The following MTARC2 variants were observed in gnomAD, a reference collection of about 807,000 sequenced individuals.
MTARC2 encodes mitochondrial amidoxime reducing component 2.
In MTARC2, 27 loss-of-function variants were observed where a neutral mutation model predicts 35.6. The ratio of observed to expected loss-of-function variants is 0.76; its 90% CI spans 0.56 to 1.04. MTARC2 has a LOEUF of 1.04. MTARC2 is among the 50% of genes least tolerant of loss of function. MTARC2 has a pLI of 0.00. For synonymous variants in MTARC2, 158 were observed against 167.1 expected, an observed-to-expected ratio of 0.95 and a Z score of 0.42; for missense variants, 412 against 432.5, an observed-to-expected ratio of 0.95 and a Z score of 0.42.
chr1:220,778,425 G>T (rs1671977198), intron 4 of MTARC2, among the ~76,000 whole-genome samples: 1 of 152,014 alleles, frequency 6.6e-6, no homozygotes, highest in Non-Finnish European at 1.5e-5. Context: ...GAGAGCGAAG[G>T]GGAAGTGCCA....
chr1:220,754,524 C>T (rs1671223512), intron 1 of MTARC2: 1 of 437,700 alleles, frequency 2.3e-6, no homozygotes, highest in African/African-American at 2.0e-5. Flanking sequence ...ACTTGGCCAA[C>T]CTCATCTTGT....
At chr1:220,754,003 T>A (rs6541158) in intron 1 of MTARC2, among the ~76,000 whole-genome samples, 132 of 152,258 alleles carry the variant, frequency 8.7e-4, no homozygotes, top group Middle Eastern at 6.8e-3. Flanking sequence ...TGAGCTAGAC[T>A]GTACCACTGC....
chr1:220,761,943 G>C lies in MTARC2; in HGVS notation c.609+123G>C. Reference sequence around the variant, plus strand: ...AAGAAAATATGATAATGGCCCTGGTGAGTGATAATGAGGGCACAGCCTAGG... The same window carrying C: ...AAGAAAATATGATAATGGCCCTGGTCAGTGATAATGAGGGCACAGCCTAGG... On this transcript the variant is annotated intron_variant, in intron 3 of 7. Transcript: ENST00000366913. 7 of 924,494 alleles carry C rather than the reference G, an allele frequency of 7.6e-6. No individual in the cohort carries two copies. In the South Asian group the frequency reaches 9.9e-5, roughly 13 times the overall value. The allele number at this position is 924,494 out of a possible 1,614,324, so 57.3% of individuals were successfully genotyped here. A position where few individuals can be genotyped will look rare whatever the true frequency, so the allele number is the denominator to read the frequency against.
chr1:220,759,947 C>T (rs77325102), intron 2 of MTARC2, among the ~76,000 whole-genome samples: 2,029 of 152,224 alleles, frequency 0.013, 31 homozygotes, highest in East Asian at 0.06. Flanking sequence ...TAACTGGGAG[C>T]ACCTCAGGTG....
chr1:220,759,895 T>G (rs1303080708), intron 2 of MTARC2, among the ~76,000 whole-genome samples: 1 of 152,110 alleles, frequency 6.6e-6, no homozygotes, highest in Non-Finnish European at 1.5e-5. Flanking sequence ...GTCTCTACCC[T>G]CAGACCAGGA....
intron 2 of MTARC2, among the ~76,000 whole-genome samples, chr1:220,758,854 GGTGT>G (rs906666688): frequency 6.6e-6 from 1 of 150,558 alleles, no homozygotes; most frequent in Non-Finnish European, 1.5e-5. Flanking sequence ...TGTGTGTCTG[GGTGT>G]GTGTGTGTGT....
Position 220,761,801 on chromosome 1 carries a change from C to T in MTARC2, c.590C>T (p.Thr197Ile). ...KGRTSRKLLPTLDQNFQVAYP... is the reference protein window; with the variant it reads ...KGRTSRKLLPILDQNFQVAYP... ...AGAACATCAAGAAAACTTCTCCCCACTCTTGATCAGAATTTCCAGGTGAGC... is the reference window on the plus strand; with the variant it reads ...AGAACATCAAGAAAACTTCTCCCCATTCTTGATCAGAATTTCCAGGTGAGC... The change falls in exon 3 of 8, where the codon ACT becomes ATT. Residue 197 changes from threonine (T) to isoleucine (I), a missense_variant. Physicochemically the swap from Thr to Ile is moderately conservative, Grantham distance 89 (BLOSUM62 -1). Coordinates refer to ENST00000366913, the MANE Select transcript of MTARC2 (RefSeq NM_017898.5). The T allele has an allele frequency of 6.2e-7, 1 of 1,610,474 alleles. No individual in the cohort carries two copies. Among genetic ancestry groups the T allele is most frequent in the Non-Finnish European group, 8.5e-7 (1 of 1,178,768 alleles).
Position 220,752,336 on chromosome 1 carries a change from G to GTCTTGTC in MTARC2, c.273-2610_273-2609insCTTGTCT, listed in dbSNP as rs543356936. On this transcript the variant is annotated intron_variant, in intron 1 of 7. Transcript: ENST00000366913. ...GGAGTCTTGTCTGGGGAAGGGGCATGTTGGAAGTTAAGGGTGAAGGCTTTA... is the reference window on the plus strand; with the variant it reads ...GGAGTCTTGTCTGGGGAAGGGGCATGTCTTGTCTTGGAAGTTAAGGGTGAAGGCTTTA... 1.2e-3 allele frequency among the ~76,000 whole-genome samples: 182 copies of GTCTTGTC among 152,268 alleles called. 3 individuals are homozygous for GTCTTGTC. The highest frequency in any genetic ancestry group is 9.9e-3 in the South Asian group (48 of 4,826).
At chr1:220,775,017 G>C (rs772483023) in intron 4 of MTARC2, among the ~76,000 whole-genome samples, 9 of 152,100 alleles carry the variant, frequency 5.9e-5, no homozygotes, top group Admixed American at 1.3e-4. Flanking sequence ...AGGAAAAAAG[G>C]GAGGGAGACT....
intron 4 of MTARC2, among the ~76,000 whole-genome samples, chr1:220,766,622 A>T (rs1385997174): frequency 2.6e-5 from 4 of 152,296 alleles, no homozygotes; most frequent in African/African-American, 9.6e-5. Context: ...TTATTTTGAT[A>T]TTAATTTTAG....
intron 1 of MTARC2, among the ~76,000 whole-genome samples, chr1:220,749,181 A>T (rs551255092): frequency 1.3e-5 from 2 of 152,294 alleles, no homozygotes; most frequent in East Asian, 3.9e-4. Context: ...GTTCAAGGAC[A>T]TTGGCTTAGG....
intron 4 of MTARC2, among the ~76,000 whole-genome samples, chr1:220,768,418 G>A (rs1052947175): frequency 2.0e-5 from 3 of 152,070 alleles, no homozygotes; most frequent in African/African-American, 7.2e-5. Flanking sequence ...GTAGTGTTTT[G>A]ATCCTTGTTT....
intron 2 of MTARC2, among the ~76,000 whole-genome samples, chr1:220,755,443 T>C (rs1451219663): frequency 1.3e-5 from 2 of 151,552 alleles, no homozygotes; most frequent in Non-Finnish European, 2.9e-5. Flanking sequence ...AGTGGGGGAG[T>C]ACCAGGGTGG....
At chr1:220,768,869 G>A (rs1202477341) in intron 4 of MTARC2, among the ~76,000 whole-genome samples, 3 of 152,166 alleles carry the variant, frequency 2.0e-5, no homozygotes, top group South Asian at 2.1e-4. Context: ...CCCTGCAGGC[G>A]TTTGTGGCAT....
At chr1:220,775,403 G>A (rs1195376287) in intron 4 of MTARC2, among the ~76,000 whole-genome samples, 3 of 152,142 alleles carry the variant, frequency 2.0e-5, no homozygotes, top group African/African-American at 7.2e-5. Context: ...ATTGGGGCCT[G>A]GATTTCGGCA....
chr1:220,780,131 C>G (rs1162889101), intron 5 of MTARC2, 37 bp from the exon 6 acceptor site: 1 of 1,608,496 alleles, frequency 6.2e-7, no homozygotes, highest in African/African-American at 1.3e-5. Flanking sequence ...TTCATTGGTT[C>G]CTAAGCATCA....
Position 220,780,017 on chromosome 1 carries a change from G to A in MTARC2, c.751-1G>A, listed in dbSNP as rs1672022335. On this transcript the variant is annotated splice_acceptor_variant, in intron 4 of 7. Transcript: ENST00000366913. LOFTEE classifies it high-confidence loss of function. The stretch of plus-strand genomic sequence containing the variant: ...AAAGATAACTTTCTCTTTTCTCTTA[G>A]GATACCTGGGATGAACTCCTAATTG... 3 of 1,531,476 alleles carry A rather than the reference G, an allele frequency of 2.0e-6. No homozygotes were observed. In the East Asian group the frequency reaches 7.4e-5, roughly 38 times the overall value. The allele number at this position is 1,531,476 out of a possible 1,614,324, so 94.9% of individuals were successfully genotyped here.
At chr1:220,782,431 T>C (rs1424078652) in intron 7 of MTARC2, among the ~76,000 whole-genome samples, 2 of 152,218 alleles carry the variant, frequency 1.3e-5, no homozygotes, top group African/African-American at 2.4e-5. Context: ...GACTGGGTCC[T>C]GAATCATGAG....
At chr1:220,778,571 A>G (rs1671983214) in intron 4 of MTARC2, among the ~76,000 whole-genome samples, 1 of 152,208 alleles carries the variant, frequency 6.6e-6, no homozygotes, top group African/African-American at 2.4e-5. Flanking sequence ...CACCTCCAAC[A>G]GTAGGGATGA....
Sources: gnomAD v4.1 joint callset for allele counts (sites outside exome capture counted in the v4.1 genomes callset) on GRCh38, gnomAD v4.1.1 for gene constraint, MANE v1.5 for transcripts, NCBI Gene and HGNC (gene_info 2026-07-23, HGNC 2026-07-21) for gene names.